KIAA0586: variants seen among roughly 807,000 people sequenced by gnomAD.
The protein encoded by KIAA0586 is protein TALPID3.
In KIAA0586, 144 loss-of-function variants were observed where a neutral mutation model predicts 169.8. The observed-to-expected ratio is 0.85, with a 90% confidence interval of 0.74 to 0.97. The LOEUF (loss-of-function observed/expected upper bound fraction) is 0.97. Ranked by LOEUF, KIAA0586 falls within the 50% of genes least tolerant of loss-of-function variation. KIAA0586 has a pLI of 0.00. For missense variants in KIAA0586, 1,854 were observed against 1,823.0 expected (o/e 1.02, Z -0.31); for synonymous variants, 625 against 612.4 (o/e 1.02, Z -0.30).
intron 2 of KIAA0586, 89 bp from the exon 3 acceptor site, chr14:58,430,559 C>T: frequency 1.4e-6 from 1 of 732,336 alleles, no homozygotes; most frequent in Admixed American, 2.6e-5. Context: ...CCTCCCAGAA[C>T]ACAGTAGTCA....
Position 58,508,831 on chromosome 14 carries a change from T to C in KIAA0586, c.4323+122T>C, listed in dbSNP as rs1262601535. 4.3e-6 allele frequency: 3 copies of C among 698,222 alleles called. No individual in the cohort carries two copies. The African/African-American group carries it at 5.4e-5, about 13-fold the overall frequency. The allele number at this position is 698,222 out of a possible 1,614,324, so 43.3% of individuals were successfully genotyped here. A position where few individuals can be genotyped will look rare whatever the true frequency, so the allele number is the denominator to read the frequency against. ...AGATAGCTTCAAATCATGCCTCCTTTATTTCCTAACTCAAGTCTGAATATA... is the reference window on the plus strand; with the variant it reads ...AGATAGCTTCAAATCATGCCTCCTTCATTTCCTAACTCAAGTCTGAATATA... On this transcript the variant is annotated intron_variant, in intron 28 of 30. Coordinates refer to ENST00000652326, the MANE Select transcript of KIAA0586 (RefSeq NM_001329943.3).
chr14:58,557,089 A>G, the KIAA0586 span, among the ~76,000 whole-genome samples: 5 of 152,352 alleles, frequency 3.3e-5, no homozygotes, highest in African/African-American at 1.2e-4. Context: ...TTGTGTGACT[A>G]TACCACAATT....
chr14:58,466,094 T>G (rs1408271075), intron 15 of KIAA0586, 65 bp downstream of exon 15: 5 of 1,257,420 alleles, frequency 4.0e-6, no homozygotes, highest in Non-Finnish European at 4.5e-6. Flanking sequence ...GTTTGTGTGT[T>G]TATTAGAGAC....
chr14:58,467,018 T>G (rs2040823919), intron 15 of KIAA0586, among the ~76,000 whole-genome samples: 1 of 152,212 alleles, frequency 6.6e-6, no homozygotes. Context: ...TTAGTGTCAT[T>G]GCTGTTCTTT....
chr14:58,455,671 C>T (rs1015382225), intron 9 of KIAA0586, among the ~76,000 whole-genome samples: 1 of 150,022 alleles, frequency 6.7e-6, no homozygotes, highest in East Asian at 2.0e-4. Context: ...CCATGGATTA[C>T]GTGTGTGTGT....
At chr14:58,507,769 CATTTATTTATTTATTT>C (rs34225443) in intron 27 of KIAA0586, among the ~76,000 whole-genome samples, 6 of 149,654 alleles carry the variant, frequency 4.0e-5, no homozygotes, top group Admixed American at 1.3e-4. Flanking sequence ...ACTGAGGTGC[CATTTATTTATTTATTT>C]ATTTATTTAT....
chr14:58,448,634 C>CG lies in KIAA0586; in HGVS notation c.961+141_961+142insG, dbSNP rs201856815. 117,499 of 405,226 alleles carry CG rather than the reference C, an allele frequency of 0.29. 15,920 individuals are homozygous for CG. Among genetic ancestry groups the CG allele is most frequent in the East Asian group, 0.31 (7,929 of 25,886 alleles). The allele number at this position is 405,226 out of a possible 1,614,324, so 25.1% of individuals were successfully genotyped here. On this transcript the variant is annotated intron_variant, in intron 7 of 30. Transcript: ENST00000652326. ...TTATAGGAGTTTTTGTTTTATAAAA[C>CG]AATTTTTTTAAATGTTCTTTTTTTA...
intron 29 of KIAA0586, among the ~76,000 whole-genome samples, chr14:58,533,326 T>G (rs1479130423): frequency 3.3e-5 from 5 of 152,226 alleles, no homozygotes; most frequent in Non-Finnish European, 7.3e-5. Flanking sequence ...TCTATTGGTG[T>G]CACAAAAGAA....
intron 2 of KIAA0586, among the ~76,000 whole-genome samples, chr14:58,429,939 C>T (rs1176623266): frequency 1.3e-5 from 2 of 152,128 alleles, no homozygotes; most frequent in African/African-American, 2.4e-5. Flanking sequence ...GAGATCTAAT[C>T]AGACTTTGAC....
chr14:58,480,996 A>G (rs1334350332), intron 20 of KIAA0586, among the ~76,000 whole-genome samples: 5 of 152,218 alleles, frequency 3.3e-5, no homozygotes, highest in Non-Finnish European at 5.9e-5. Context: ...GGGACCTTAT[A>G]AAAACGATGT....
At chr14:58,518,536 A>T (rs1367459548) in intron 29 of KIAA0586, among the ~76,000 whole-genome samples, 1 of 152,184 alleles carries the variant, frequency 6.6e-6, no homozygotes, top group African/African-American at 2.4e-5. Context: ...CAGCTCAAAA[A>T]CTTGTGTTTT....
At chr14:58,452,681 A>C (rs1167004361) in intron 8 of KIAA0586, among the ~76,000 whole-genome samples, 1 of 151,912 alleles carries the variant, frequency 6.6e-6, no homozygotes, top group Non-Finnish European at 1.5e-5. Context: ...TATGAATTCA[A>C]CCTTTTACTT....
chr14:58,429,361 A>G lies in KIAA0586; in HGVS notation c.200-2A>G, dbSNP rs765227931. 1 of 1,560,428 alleles carries G rather than the reference A, an allele frequency of 6.4e-7. No homozygotes were observed. The highest frequency in any genetic ancestry group is 1.1e-5 in the South Asian group (1 of 89,902). ...CTAAAATCTATTCCTTTGTTTTGTT[A>G]GGTTCATCAGACTTAACTTCTGCTA... On this transcript the variant is annotated splice_acceptor_variant, in intron 1 of 30. Transcript: ENST00000652326. LOFTEE classifies it high-confidence loss of function.
At chr14:58,464,155 CAA>C (rs2040552935) in intron 14 of KIAA0586, 1 of 383,896 alleles carries the variant, frequency 2.6e-6, no homozygotes. Context: ...ACCTGCCACA[CAA>C]AAGAGTTGAG....
intron 20 of KIAA0586, among the ~76,000 whole-genome samples, chr14:58,478,577 C>CT (rs1455200032): frequency 2.0e-5 from 3 of 152,150 alleles, no homozygotes; most frequent in Non-Finnish European, 4.4e-5. Context: ...AGTGATCCTC[C>CT]TCCCTCAGCC....
intron 29 of KIAA0586, among the ~76,000 whole-genome samples, chr14:58,536,330 A>G (rs2046288284): frequency 6.8e-6 from 1 of 146,744 alleles, no homozygotes; most frequent in Non-Finnish European, 1.5e-5. Flanking sequence ...TTCATCGTGT[A>G]TTATTTCTAT....
chr14:58,443,085 G>A (rs1452486638), intron 5 of KIAA0586, among the ~76,000 whole-genome samples: 1 of 152,206 alleles, frequency 6.6e-6, no homozygotes, highest in East Asian at 1.9e-4. Flanking sequence ...TGGCACTGGT[G>A]AATTTAGAAC....
chr14:58,451,718 CTG>C (rs1037624330), intron 8 of KIAA0586, among the ~76,000 whole-genome samples: 5 of 152,028 alleles, frequency 3.3e-5, no homozygotes, highest in Admixed American at 3.3e-4. Flanking sequence ...AAGTCTCGCT[CTG>C]TCACCCGGGC....
rs184357106 is a variant in KIAA0586 at position 58,521,974 on chromosome 14, G to A, written c.4429+9347G>A. On this transcript the variant is annotated intron_variant, in intron 29 of 30. Transcript: ENST00000652326. ...AGAGGATGACAGAGACAGCACCAAT[G>A]GCGAAGATAACTCTTAAGCACATAG... 1.3e-5 allele frequency: 18 copies of A among 1,345,664 alleles called. No homozygotes were observed. In the South Asian group the frequency reaches 1.4e-4, roughly 11 times the overall value. 83.4% of individuals were successfully genotyped at this position (1,345,664 alleles called of 1,614,324 possible). A position where few individuals can be genotyped will look rare whatever the true frequency, so the allele number is the denominator to read the frequency against.
Sources: allele counts gnomAD v4.1 joint callset (sites outside exome capture counted in the v4.1 genomes callset), GRCh38; gene constraint gnomAD v4.1.1; transcripts MANE v1.5; gene names NCBI Gene and HGNC (gene_info 2026-07-23, HGNC 2026-07-21).